Variants in PDE10A observed in about 807,000 individuals in gnomAD.
PDE10A encodes cAMP and cAMP-inhibited cGMP 3',5'-cyclic phosphodiesterase 10A.
Under a neutral mutation model 97.7 loss-of-function variants are expected in PDE10A, and 39 were observed. That is an observed-to-expected ratio of 0.40 (90% CI 0.31 to 0.52). PDE10A has a LOEUF of 0.52. Among genes scored for constraint, PDE10A ranks in the 20% least tolerant of loss-of-function variants. The probability of loss-of-function intolerance (pLI) is 0.56; values close to 1 mark genes in which losing one functional copy is unlikely to be tolerated. For synonymous variants in PDE10A, 371 were observed against 376.8 expected, an observed-to-expected ratio of 0.98 and a Z score of 0.18; for missense variants, 731 against 1,047.8, an observed-to-expected ratio of 0.70 and a Z score of 4.17.
chr6:165,986,515 C>CTCTCTCTG (rs1785226108), intron 1 of PDE10A: 1 of 26,960 alleles, frequency 3.7e-5, no homozygotes, highest in Non-Finnish European at 9.6e-5. Context: ...CTCTCTCTGT[C>CTCTCTCTG]TCTCTCTCTC....
At chr6:165,944,071 G>C (rs2128493524) in intron 1 of PDE10A, among the ~76,000 whole-genome samples, 1 of 152,322 alleles carries the variant, frequency 6.6e-6, no homozygotes, top group African/African-American at 2.4e-5. Context: ...CATGGTGAAA[G>C]GGGAAGCAAA....
At chr6:165,901,569 G>A (rs1264756910) in intron 1 of PDE10A, among the ~76,000 whole-genome samples, 2 of 152,164 alleles carry the variant, frequency 1.3e-5, no homozygotes, top group Admixed American at 6.5e-5. Flanking sequence ...TTGGGAAGCC[G>A]AGGCGGGCGG....
chr6:165,915,252 T>C (rs1371594601), intron 1 of PDE10A, among the ~76,000 whole-genome samples: 1 of 152,206 alleles, frequency 6.6e-6, no homozygotes, highest in East Asian at 1.9e-4. Flanking sequence ...CAAGGCTGAT[T>C]CTGGGGGACA....
rs1375734706 is a variant in PDE10A at position 165,943,298 on chromosome 6, A to G, written c.-615+44231T>C. On this transcript the variant is annotated intron_variant, in intron 1 of 19. Coordinates refer to the PDE10A transcript ENST00000366882. ...AGGAAAGAAAGAAAGAAAGAAGGAA[A>G]GAAAGAAAGAAGGAAGGAAGGAAAG... Among the ~76,000 whole-genome samples the G allele has an allele frequency of 7.4e-3, 1,010 of 136,462 alleles. 64 individuals carry two copies. Among genetic ancestry groups the G allele is most frequent in the African/African-American group, 7.7e-3 (271 of 35,072 alleles). 89.5% of individuals were successfully genotyped at this position (136,462 alleles called of 152,430 possible). A position where few individuals can be genotyped will look rare whatever the true frequency, so the allele number is the denominator to read the frequency against.
intron 3 of PDE10A, among the ~76,000 whole-genome samples, chr6:165,474,280 C>G (rs1294035816): frequency 6.6e-6 from 1 of 152,054 alleles, no homozygotes; most frequent in Non-Finnish European, 1.5e-5. Context: ...TGGCCCAACA[C>G]TATAAAATAT....
chr6:165,416,410 G>A (rs940307118), intron 11 of PDE10A, 129 bp from the exon 12 acceptor site: 4 of 669,502 alleles, frequency 6.0e-6, no homozygotes, highest in Non-Finnish European at 7.9e-6. Context: ...TTACTTTTAC[G>A]TTTACATATT....
intron 1 of PDE10A, among the ~76,000 whole-genome samples, chr6:165,890,567 A>C (rs1447558291): frequency 4.6e-5 from 7 of 152,166 alleles, no homozygotes; most frequent in Admixed American, 4.6e-4. Flanking sequence ...CAGAGTTACA[A>C]GTCATTCTTC....
chr6:165,802,949 C>T (rs992570641), intron 1 of PDE10A, among the ~76,000 whole-genome samples: 3 of 152,138 alleles, frequency 2.0e-5, no homozygotes, highest in Admixed American at 6.5e-5. Flanking sequence ...CAGTTGTTTC[C>T]GGTTAGATTT....
At chr6:165,459,534 CAGACAGACAGACAGACAGACAGACAGAT>C in intron 3 of PDE10A, among the ~76,000 whole-genome samples, 1 of 99,954 alleles carries the variant, frequency 1.0e-5, no homozygotes, top group African/African-American at 5.8e-5. Flanking sequence ...GACAGACAGA[CAGACAGACAGACAGACAGACAGACAGAT>C]AGATAGATAA....
At chr6:165,380,665 CAT>C (rs1210987380) in intron 17 of PDE10A, among the ~76,000 whole-genome samples, 2 of 152,176 alleles carry the variant, frequency 1.3e-5, no homozygotes, top group Non-Finnish European at 2.9e-5. Context: ...ATGGATTGTA[CAT>C]GAGATGCTAT....
chr6:165,828,565 T>C (rs1473438766), intron 1 of PDE10A, among the ~76,000 whole-genome samples: 1 of 152,236 alleles, frequency 6.6e-6, no homozygotes, highest in Non-Finnish European at 1.5e-5. Flanking sequence ...GATGTTAGTA[T>C]TCCCATTTAT....
intron 15 of PDE10A, 76 bp downstream of exon 15, chr6:165,395,105 T>G (rs922144222): frequency 2.5e-6 from 2 of 800,224 alleles, no homozygotes; most frequent in Non-Finnish European, 4.2e-6. Flanking sequence ...AAGATCGTGG[T>G]GAGGCATATA....
At chr6:165,656,350 C>A (rs1789966510) in intron 1 of PDE10A, among the ~76,000 whole-genome samples, 1 of 150,938 alleles carries the variant, frequency 6.6e-6, no homozygotes, top group African/African-American at 2.4e-5. Context: ...ATCCAACCAG[C>A]CACCTGGATG....
In PDE10A at chr6:165,623,835, T is replaced by G. The variant is rs188218717; in HGVS notation, c.865+38112A>C. Among the ~76,000 whole-genome samples the G allele has an allele frequency of 3.3e-5, 5 of 152,298 alleles. No homozygotes were observed. The East Asian group carries it at 9.7e-4, about 29-fold the overall frequency. The stretch of plus-strand genomic sequence containing the variant: ...CCAGGTTTTTCTCTCTAATTTATAT[T>G]CTTTAACACCTCTGAAATACCTGTC... On this transcript the variant is annotated intron_variant, in intron 1 of 21. Coordinates refer to ENST00000539869, the MANE Select transcript of PDE10A (RefSeq NM_001385079.1).
intron 1 of PDE10A, among the ~76,000 whole-genome samples, chr6:165,843,095 G>A (rs139070711): frequency 1.3e-5 from 2 of 152,350 alleles, no homozygotes; most frequent in Admixed American, 6.5e-5. Context: ...ACAGCGTAGG[G>A]TCAGCCAGCG....
intron 1 of PDE10A, among the ~76,000 whole-genome samples, chr6:165,983,866 T>C (rs1425491499): frequency 6.6e-6 from 1 of 152,252 alleles, no homozygotes; most frequent in African/African-American, 2.4e-5. Flanking sequence ...TGAACAGCTG[T>C]CACTCAAACA....
At chr6:165,708,543 G>GCC (rs1791780117) in intron 1 of PDE10A, among the ~76,000 whole-genome samples, 1 of 151,554 alleles carries the variant, frequency 6.6e-6, no homozygotes, top group Non-Finnish European at 1.5e-5. Context: ...GGTTCTCAGT[G>GCC]CCTCCACCCC....
At chr6:165,445,019 C>A (rs373052060) in intron 5 of PDE10A, among the ~76,000 whole-genome samples, 4 of 152,022 alleles carry the variant, frequency 2.6e-5, no homozygotes, top group Non-Finnish European at 5.9e-5. Flanking sequence ...TTATTTAAGA[C>A]TTTCTTGCTA....
chr6:165,933,861 C>T (rs148307789), intron 1 of PDE10A, among the ~76,000 whole-genome samples: 21 of 152,328 alleles, frequency 1.4e-4, no homozygotes, highest in Middle Eastern at 6.8e-3. Flanking sequence ...AGAACCAAAA[C>T]GGCTGCTTTG....
Sources: gnomAD v4.1 joint callset for allele counts (sites outside exome capture counted in the v4.1 genomes callset) on GRCh38, gnomAD v4.1.1 for gene constraint, MANE v1.5 for transcripts, NCBI Gene and HGNC (gene_info 2026-07-23, HGNC 2026-07-21) for gene names.